PROM1: variants seen among roughly 807,000 people sequenced by gnomAD.
The protein encoded by PROM1 is prominin 1, also known as prominin-1.
In PROM1, 105 loss-of-function variants were observed where a neutral mutation model predicts 116.9. The observed-to-expected ratio is 0.90, with a 90% CI of 0.77 to 1.06. PROM1 has a LOEUF of 1.06. PROM1 is among the 50% of genes least tolerant of loss of function. The probability of loss-of-function intolerance (pLI) is 0.00; values close to 1 mark genes in which losing one functional copy is unlikely to be tolerated. For missense variants in PROM1, 1,122 were observed against 1,045.2 expected, an observed-to-expected ratio of 1.07 and a Z score of -1.01; for synonymous variants, 393 against 387.0, an observed-to-expected ratio of 1.02 and a Z score of -0.18.
At chr4:16,071,176 C>T (rs1199574807) in intron 2 of PROM1, among the ~76,000 whole-genome samples, 1 of 152,196 alleles carries the variant, frequency 6.6e-6, no homozygotes, top group Non-Finnish European at 1.5e-5. Flanking sequence ...TGTGCTCTAA[C>T]CTATCAGCTG....
chr4:15,997,413 T>C (rs189420644), intron 15 of PROM1, among the ~76,000 whole-genome samples: 3 of 151,046 alleles, frequency 2.0e-5, no homozygotes, highest in Non-Finnish European at 4.4e-5. Context: ...GCTGGTAGTA[T>C]ACATCACCTG....
Position 16,069,385 on chromosome 4 carries a change from G to A in PROM1, c.220+6302C>T, listed in dbSNP as rs535735184. Among the ~76,000 whole-genome samples, 7 of 152,210 alleles carry A rather than the reference G, an allele frequency of 4.6e-5. No individual in the cohort carries two copies. The East Asian group carries it at 7.7e-4, about 17-fold the overall frequency. On this transcript the variant is annotated intron_variant, in intron 2 of 27. Coordinates refer to ENST00000447510, the MANE Select transcript of PROM1 (RefSeq NM_006017.3). ...TCAGAACTTATGCCAAGTTCATCAC[G>A]GCCACATAAAATTGGAAGTGGCACT...
intron 1 of PROM1, among the ~76,000 whole-genome samples, chr4:16,080,204 A>C (rs1330661609): frequency 2.6e-5 from 4 of 151,190 alleles, no homozygotes; most frequent in African/African-American, 7.3e-5. Context: ...GAGTCCAGAG[A>C]ACTGCATTTC....
intron 16 of PROM1, among the ~76,000 whole-genome samples, chr4:15,993,075 G>A (rs73122444): frequency 0.01 from 1,537 of 152,282 alleles, 37 homozygotes; most frequent in African/African-American, 0.035. Flanking sequence ...AATTATGTCT[G>A]TTTAATGTAT....
intron 2 of PROM1, among the ~76,000 whole-genome samples, chr4:16,051,649 G>T: frequency 6.6e-6 from 1 of 152,164 alleles, no homozygotes; most frequent in Non-Finnish European, 1.5e-5. Flanking sequence ...AGACTGTAAA[G>T]TGTCTTCCCC....
At chr4:16,025,409 C>T (rs970592508) in intron 5 of PROM1, 97 bp from the exon 6 acceptor site, 11 of 1,455,712 alleles carry the variant, frequency 7.6e-6, no homozygotes, top group African/African-American at 2.8e-5. Flanking sequence ...GGGAGGAGCC[C>T]GCAGAAGGAC....
chr4:16,012,930 T>G (rs914806712), intron 11 of PROM1, among the ~76,000 whole-genome samples: 3 of 142,062 alleles, frequency 2.1e-5, no homozygotes, highest in Non-Finnish European at 3.1e-5. Flanking sequence ...GAAAATATAA[T>G]AATCTACAGT....
At chr4:16,065,832 C>T (rs796485937) in intron 2 of PROM1, among the ~76,000 whole-genome samples, 151 of 152,314 alleles carry the variant, frequency 9.9e-4, no homozygotes, top group African/African-American at 3.5e-3. Context: ...CAAGTCCTAA[C>T]CCCAAGACCT....
chr4:16,036,327 C>T (rs1449141479), intron 3 of PROM1, among the ~76,000 whole-genome samples: 1 of 152,130 alleles, frequency 6.6e-6, no homozygotes, highest in Non-Finnish European at 1.5e-5. Flanking sequence ...ATATTCTGGT[C>T]CAGGAAATCT....
At chr4:16,009,791 T>C (rs958463876) in intron 11 of PROM1, among the ~76,000 whole-genome samples, 4 of 151,756 alleles carry the variant, frequency 2.6e-5, no homozygotes, top group Admixed American at 2.0e-4. Context: ...AATACAAAAA[T>C]TACCCAGCTG....
intron 1 of PROM1, chr4:16,083,533 G>C (rs1217169295): frequency 6.6e-6 from 1 of 152,370 alleles, no homozygotes; most frequent in Non-Finnish European, 1.5e-5. Context: ...AGATGGCTAG[G>C]GTAAGGGGGG....
intron 3 of PROM1, chr4:16,038,066 C>A (rs149941891): frequency 1.3e-5 from 2 of 152,154 alleles, no homozygotes; most frequent in East Asian, 3.9e-4. Flanking sequence ...GTGAGAAGAG[C>A]GCCCACCCAT....
chr4:16,074,634 G>T (rs1743552108), intron 2 of PROM1, among the ~76,000 whole-genome samples: 1 of 152,148 alleles, frequency 6.6e-6, no homozygotes, highest in South Asian at 2.1e-4. Flanking sequence ...ATTTAAATTA[G>T]CAAAAATTGA....
chr4:16,026,415 G>A (rs528123157), intron 5 of PROM1, among the ~76,000 whole-genome samples: 11 of 152,228 alleles, frequency 7.2e-5, no homozygotes, highest in Admixed American at 2.6e-4. Flanking sequence ...GCAGAAGCAA[G>A]TAAAAAACTT....
chr4:16,050,158 G>A (rs1737528872), intron 2 of PROM1, among the ~76,000 whole-genome samples: 1 of 151,952 alleles, frequency 6.6e-6, no homozygotes, highest in Non-Finnish European at 1.5e-5. Context: ...CTACTCGGGA[G>A]GCTGAGGCAG....
chr4:15,996,782 T>C (rs1722429416), intron 15 of PROM1, among the ~76,000 whole-genome samples: 1 of 152,206 alleles, frequency 6.6e-6, no homozygotes, highest in African/African-American at 2.4e-5. Context: ...ATAGGGTTAA[T>C]ACTTGCTTAA....
intron 3 of PROM1, among the ~76,000 whole-genome samples, chr4:16,037,562 C>T (rs1297052261): frequency 6.6e-6 from 1 of 152,128 alleles, no homozygotes; most frequent in African/African-American, 2.4e-5. Context: ...CTGCCTTCTC[C>T]CATGCCGGAA....
intron 5 of PROM1, among the ~76,000 whole-genome samples, chr4:16,025,750 C>G (rs1400201311): frequency 6.6e-6 from 1 of 152,148 alleles, no homozygotes; most frequent in African/African-American, 2.4e-5. Context: ...CTTCTGCTCC[C>G]TGACCCCCCA....
In PROM1 at chr4:16,067,704, G is replaced by A. The variant is rs139565139; in HGVS notation, c.220+7983C>T. Reference sequence around the variant, plus strand: ...CTTTGTCTGAATTAAGTAAGGACACGCAGATGTTGGAGCCTGATCCTACGT... The same window carrying A: ...CTTTGTCTGAATTAAGTAAGGACACACAGATGTTGGAGCCTGATCCTACGT... On this transcript the variant is annotated intron_variant, in intron 2 of 27. Coordinates refer to ENST00000447510, the MANE Select transcript of PROM1 (RefSeq NM_006017.3). 2.2e-3 allele frequency among the ~76,000 whole-genome samples: 335 copies of A among 152,320 alleles called. 2 individuals carry two copies. The highest frequency in any genetic ancestry group is 7.6e-3 in the African/African-American group (314 of 41,576).
Sources: allele counts gnomAD v4.1 joint callset (sites outside exome capture counted in the v4.1 genomes callset), GRCh38; gene constraint gnomAD v4.1.1; transcripts MANE v1.5; gene names NCBI Gene and HGNC (gene_info 2026-07-23, HGNC 2026-07-21).